The following PCSK9 variants were observed in gnomAD, a reference collection of about 807,000 sequenced individuals.
The protein encoded by PCSK9 is proprotein convertase subtilisin/kexin type 9, also known as convertase subtilisin/kexin type 9 preproprotein.
Under a neutral mutation model 62.1 loss-of-function variants are expected in PCSK9, and 57 were observed. The ratio of observed to expected loss-of-function variants is 0.92; its 90% CI spans 0.74 to 1.14. PCSK9 has a LOEUF of 1.14. Ranked by LOEUF, PCSK9 falls within the 50% of genes most tolerant of loss-of-function variation. The pLI is 0.00. For synonymous variants in PCSK9, 387 were observed against 409.4 expected (o/e 0.95, Z 0.66); for missense variants, 870 against 959.8 (o/e 0.91, Z 1.24).
At chr1:55,047,270 G>C (rs1384248563) in intron 3 of PCSK9, among the ~76,000 whole-genome samples, 2 of 152,182 alleles carry the variant, frequency 1.3e-5, no homozygotes, top group Non-Finnish European at 2.9e-5. Context: ...CAATTCAGTC[G>C]GGGAAGACTC....
rs779824389 is a variant in PCSK9, at chr1:55,052,734, C to T, written c.742C>T (p.Arg248Cys). ...DAGVAKGASM[R>C]SLRVLNCQGK... ...CGGCGTGGCCAAGGGTGCCAGCATGCGCAGCCTGCGCGTGCTCAACTGCCA... is the reference window on the plus strand; with the variant it reads ...CGGCGTGGCCAAGGGTGCCAGCATGTGCAGCCTGCGCGTGCTCAACTGCCA... Residue 248 changes from arginine to cysteine, a missense_variant, in exon 5 of 12, where the codon CGC becomes TGC. Arg to Cys is a radical substitution (Grantham distance 180). Transcript: ENST00000302118. 43 of 1,613,048 alleles carry T rather than the reference C, an allele frequency of 2.7e-5. No individual in the cohort carries two copies. Among genetic ancestry groups the T allele is most frequent in the South Asian group, 1.4e-4 (13 of 91,086 alleles).
chr1:55,057,575 G>T, intron 7 of PCSK9, 61 bp downstream of exon 7: 1 of 1,541,592 alleles, frequency 6.5e-7, no homozygotes, highest in South Asian at 1.2e-5. Flanking sequence ...GGCAGTCAGG[G>T]TCTGTGCCGG....
chr1:55,063,823 T>TG lies in PCSK9; in HGVS notation c.*243dup. ...TGCCAGGAAGCTCCCTCCCTCACTG[T>TG]GGGGCATTTCACCATTCAAACAGGT... On this transcript the variant is annotated 3_prime_UTR_variant, in exon 12 of 12. Transcript: ENST00000302118. 1.7e-6 allele frequency: 1 copy of TG among 584,650 alleles called. No homozygotes were observed. The highest frequency in any genetic ancestry group is 2.1e-5 in the South Asian group (1 of 46,974). 36.2% of individuals were successfully genotyped at this position (584,650 alleles called of 1,614,324 possible).
intron 5 of PCSK9, among the ~76,000 whole-genome samples, chr1:55,054,315 G>A (rs1425893527): frequency 6.6e-6 from 1 of 152,198 alleles, no homozygotes; most frequent in Non-Finnish European, 1.5e-5. Context: ...CCCAGGAGGT[G>A]GAGGTTGCAG....
At chr1:55,050,930 G>C (rs1644668297) in intron 3 of PCSK9, 1 of 356,120 alleles carries the variant, frequency 2.8e-6, no homozygotes, top group South Asian at 2.1e-5. Flanking sequence ...CCTGTGATGT[G>C]TCTTTATGAG....
Position 55,040,108 on chromosome 1 carries a change from T to C in PCSK9, c.207+64T>C. The stretch of plus-strand genomic sequence containing the variant: ...GCCGGGACGGTGCGGTGCTGTTTCC[T>C]CTCGGGCCTCAGTTTCCCCCCATGT... On this transcript the variant is annotated intron_variant, in intron 1 of 11. Coordinates refer to ENST00000302118, the MANE Select transcript of PCSK9 (RefSeq NM_174936.4). The surrounding 1 kb of genome is among the most constrained non-coding windows in gnomAD (Gnocchi z 4.1). The C allele has an allele frequency of 2.0e-6, 3 of 1,522,718 alleles. No homozygotes were observed. Among genetic ancestry groups the C allele is most frequent in the South Asian group, 1.2e-5 (1 of 83,128 alleles). The allele number at this position is 1,522,718 out of a possible 1,614,324, so 94.3% of individuals were successfully genotyped here.
chr1:55,062,715 G>C (rs1644770152), intron 11 of PCSK9, among the ~76,000 whole-genome samples: 1 of 152,190 alleles, frequency 6.6e-6, no homozygotes, highest in South Asian at 2.1e-4. Context: ...TTATGAGATG[G>C]GGGGTGCCTC....
rs929399951 is a variant in PCSK9, at chr1:55,046,750, T to C, written c.523+104T>C. On this transcript the variant is annotated intron_variant, in intron 3 of 11. Transcript: ENST00000302118. ...GGTGGTTTCCACTTCTCGGGGGGCTTTGGGACTCAGCACCTCCACTGACCC... is the reference window on the plus strand; with the variant it reads ...GGTGGTTTCCACTTCTCGGGGGGCTCTGGGACTCAGCACCTCCACTGACCC... 2.0e-5 allele frequency: 28 copies of C among 1,407,866 alleles called. No homozygotes were observed. The Middle Eastern group carries it at 6.9e-4, about 35-fold the overall frequency. The allele number at this position is 1,407,866 out of a possible 1,614,324, so 87.2% of individuals were successfully genotyped here. A position where few individuals can be genotyped will look rare whatever the true frequency, so the allele number is the denominator to read the frequency against.
rs1644679774 is a variant in PCSK9, at chr1:55,052,273, GA to G, written c.524-2del. 1.9e-6 allele frequency: 3 copies of G among 1,614,002 alleles called. No homozygotes were observed. Among genetic ancestry groups the G allele is most frequent in the Non-Finnish European group, 2.5e-6 (3 of 1,180,020 alleles). On this transcript the variant is annotated splice_region_variant and splice_polypyrimidine_tract_variant and intron_variant, in intron 3 of 11. Transcript: ENST00000302118. Reference sequence around the variant, plus strand: ...CTCCTCTCCCACAAATGTCGCCTTGGAAAGACGGAGGCAGCCTGGTGGAGGT... The same window carrying G: ...CTCCTCTCCCACAAATGTCGCCTTGGAAGACGGAGGCAGCCTGGTGGAGGT...
chr1:55,061,236 A>G (rs879849953), intron 10 of PCSK9, 139 bp from the exon 11 acceptor site: 3 of 965,354 alleles, frequency 3.1e-6, no homozygotes, highest in Admixed American at 2.8e-5. Context: ...TCAGGCCAGC[A>G]TCTCTTTTTT....
rs1416834228 is a variant in PCSK9 at position 55,056,237 on chromosome 1, C to T, written c.996+48C>T. The T allele has an allele frequency of 8.9e-5, 5 of 56,378 alleles. No homozygotes were observed. In the African/African-American group the frequency reaches 1.0e-3, roughly 12 times the overall value. The allele number at this position is 56,378 out of a possible 1,614,324, so 3.5% of individuals were successfully genotyped here. ...CAAGGCGCGGGTAGGGGGCGGAGGG[C>T]GGAGGGCGGAGGGAGGGCGGGCGGG... On this transcript the variant is annotated intron_variant, in intron 6 of 11. Coordinates refer to ENST00000302118, the MANE Select transcript of PCSK9 (RefSeq NM_174936.4).
intron 1 of PCSK9, 142 bp from the exon 2 acceptor site, chr1:55,043,701 C>T: frequency 1.0e-6 from 1 of 976,120 alleles, no homozygotes; most frequent in Non-Finnish European, 1.5e-6. Flanking sequence ...GCTTTTTGGT[C>T]CGCATTTGGT....
intron 6 of PCSK9, 44 bp downstream of exon 6, chr1:55,056,233 AGG>A (rs1644713761): frequency 4.9e-4 from 22 of 45,352 alleles, no homozygotes; most frequent in Non-Finnish European, 6.2e-4. Context: ...TAGGGGGCGG[AGG>A]GCGGAGGGCG....
At chr1:55,053,274 G>C (rs1399892746) in intron 5 of PCSK9, among the ~76,000 whole-genome samples, 2 of 152,100 alleles carry the variant, frequency 1.3e-5, no homozygotes, top group Non-Finnish European at 2.9e-5. Flanking sequence ...TTTCTAGACT[G>C]TGACTACATT....
chr1:55,063,544 G>A lies in PCSK9; in HGVS notation c.2039G>A (p.Arg680Gln), dbSNP rs1346795665. ...GAVTAVAICC[R>Q]SRHLAQASQE... ...GTGACAGCCGTTGCCATCTGCTGCC[G>A]GAGCCGGCACCTGGCGCAGGCCTCC... is the stretch of plus-strand genomic sequence containing the variant. Residue 680 changes from arginine to glutamine, a missense_variant, in exon 12 of 12, where the codon CGG becomes CAG. Arg to Gln is a conservative substitution (Grantham distance 43). Transcript: ENST00000302118. The A allele has an allele frequency of 6.2e-6, 10 of 1,613,214 alleles. No homozygotes were observed. Among genetic ancestry groups the A allele is most frequent in the East Asian group, 2.2e-5 (1 of 44,882 alleles).
At chr1:55,050,335 A>AT (rs1292846518) in intron 3 of PCSK9, among the ~76,000 whole-genome samples, 2 of 152,138 alleles carry the variant, frequency 1.3e-5, no homozygotes, top group Admixed American at 1.3e-4. Context: ...GCCCAGCTCA[A>AT]TATCTAGTGG....
chr1:55,061,251 T>G, intron 10 of PCSK9, 124 bp from the exon 11 acceptor site: 13 of 1,117,810 alleles, frequency 1.2e-5, no homozygotes, highest in Non-Finnish European at 1.5e-5. Context: ...TTTTTTTCTT[T>G]GAGTTGTTTC....
chr1:55,042,205 C>T (rs1477826320), intron 1 of PCSK9, among the ~76,000 whole-genome samples: 1 of 152,130 alleles, frequency 6.6e-6, no homozygotes, highest in South Asian at 2.1e-4. Flanking sequence ...GGAGGTGATC[C>T]TCCCGCCTCA....
At chr1:55,043,773 T>G in intron 1 of PCSK9, 70 bp from the exon 2 acceptor site, 465 of 1,473,218 alleles carry the variant, frequency 3.2e-4, no homozygotes, top group Non-Finnish European at 4.0e-4. Flanking sequence ...TAAGTAGGGG[T>G]GAGATAAAGT....
Sources: gnomAD v4.1 joint callset for allele counts (sites outside exome capture counted in the v4.1 genomes callset) on GRCh38, gnomAD v4.1.1 for gene constraint, Gnocchi (gnomAD v3.1) non-coding constraint, MANE v1.5 for transcripts, NCBI Gene and HGNC (gene_info 2026-07-23, HGNC 2026-07-21) for gene names.